DPH3: variants seen among roughly 807,000 people sequenced by gnomAD.
DPH3 encodes the protein diphthamide biosynthesis 3.
DPH3 carries 8 observed loss-of-function variants against 10.2 expected under a neutral mutation model. That is an observed-to-expected ratio of 0.79 (90% CI 0.46 to 1.42). The LOEUF (loss-of-function observed/expected upper bound fraction) is 1.42, where lower values mean the gene tolerates loss of function less well. DPH3 is among the 40% of genes most tolerant of loss of function. DPH3 has a pLI of 0.00. For missense variants in DPH3, 96 were observed against 98.9 expected, an observed-to-expected ratio of 0.97 and a Z score of 0.12; for synonymous variants, 35 against 35.6, an observed-to-expected ratio of 0.98 and a Z score of 0.06.
At position 16,260,614 on chromosome 3, in the gene DPH3, A is replaced by G; in HGVS notation, c.*150T>C. 1.7e-6 allele frequency: 1 copy of G among 598,646 alleles called. No individual in the cohort carries two copies. The highest frequency in any genetic ancestry group is 2.9e-6 in the Non-Finnish European group (1 of 342,610). The allele number at this position is 598,646 out of a possible 1,614,324, so 37.1% of individuals were successfully genotyped here. A position where few individuals can be genotyped will look rare whatever the true frequency, so the allele number is the denominator to read the frequency against. ...GTCATGTTATGGACTTGCTTCCTGA[A>G]GATGATATCAGCAGTTGATAGAAAG... On this transcript the variant is annotated 3_prime_UTR_variant, in exon 3 of 3. Transcript: ENST00000488423.
In DPH3 at chr3:16,261,590, G is replaced by A. The variant is rs1212256573; in HGVS notation, c.184-761C>T. Among the ~76,000 whole-genome samples the A allele has an allele frequency of 6.6e-6, 1 of 152,198 alleles. No homozygotes were observed. The highest frequency in any genetic ancestry group is 2.4e-5 in the African/African-American group (1 of 41,434). The stretch of plus-strand genomic sequence containing the variant: ...TTGAAACAACTGAGGATTGCTATTG[G>A]CATCTAGTAGGTAGAGGCCAGGGAT... On this transcript the variant is annotated intron_variant, in intron 2 of 2. Transcript: ENST00000488423. The surrounding 1 kb of genome is among the most constrained non-coding windows in gnomAD (Gnocchi z 7.1).
rs1395093934 is a variant in DPH3 at position 16,263,445 on chromosome 3, G to C, written c.183+710C>G. ...TCCTTACCGTTTGCTTTCTGTTGCA[G>C]AGCACATTTTAATACAAGAATGAAT... is the stretch of plus-strand genomic sequence containing the variant. On this transcript the variant is annotated intron_variant, in intron 2 of 2. Transcript: ENST00000488423. The surrounding 1 kb of genome is among the most constrained non-coding windows in gnomAD (Gnocchi z 4.0). 6.6e-6 allele frequency among the ~76,000 whole-genome samples: 1 copy of C among 152,172 alleles called. No homozygotes were observed. Among genetic ancestry groups the C allele is most frequent in the African/African-American group, 2.4e-5 (1 of 41,432 alleles).
Position 16,263,389 on chromosome 3 carries a change from C to T in DPH3, c.183+766G>A, listed in dbSNP as rs527359863. Among the ~76,000 whole-genome samples the T allele has an allele frequency of 9.8e-5, 15 of 152,300 alleles. No individual in the cohort carries two copies. The South Asian group carries it at 2.9e-3, about 30-fold the overall frequency. On this transcript the variant is annotated intron_variant, in intron 2 of 2. Coordinates refer to ENST00000488423, the MANE Select transcript of DPH3 (RefSeq NM_206831.3). The surrounding 1 kb of genome is among the most constrained non-coding windows in gnomAD (Gnocchi z 4.0). ...GCCATGATCACCCTATGGAAAACTG[C>T]AACTTCCTCCCAGACCAGCACTCCT...
chr3:16,260,869 C>G, intron 2 of DPH3, 40 bp from the exon 3 acceptor site: 1 of 1,562,806 alleles, frequency 6.4e-7, no homozygotes, highest in Non-Finnish European at 8.8e-7. Context: ...AATGAATTTC[C>G]GGTCACAAAT....
intron 1 of DPH3, 173 bp downstream of exon 1, chr3:16,264,596 G>A (rs1207705384): frequency 3.0e-6 from 2 of 665,428 alleles, no homozygotes; most frequent in African/African-American, 1.8e-5. Context: ...CGTGCCTACC[G>A]AGAGAGCTCA....
chr3:16,258,620 TA>T lies in DPH3; in HGVS notation c.*2143del, dbSNP rs1272325505. The T allele has an allele frequency of 6.6e-6, 1 of 152,196 alleles. No individual in the cohort carries two copies. The highest frequency in any genetic ancestry group is 1.5e-5 in the Non-Finnish European group (1 of 68,060). 9.4% of individuals were successfully genotyped at this position (152,196 alleles called of 1,614,324 possible). ...GCTCAAGGCCCCACACCTTGCTAAT[TA>T]AAAGAAGATTTTTTAGAGACAGGGT... On this transcript the variant is annotated 3_prime_UTR_variant, in exon 3 of 3. Transcript: ENST00000488423.
At position 16,264,485 on chromosome 3, in the gene DPH3, T is replaced by A. The variant is rs2064357619; in HGVS notation, c.109-256A>T. ...GGGAAACAAAAAACGAGTCCCCTCC[T>A]CGACAGAAATATCCCAGGTTGGGAC... On this transcript the variant is annotated intron_variant, in intron 1 of 2. Coordinates refer to ENST00000488423, the MANE Select transcript of DPH3 (RefSeq NM_206831.3). The A allele has an allele frequency of 7.2e-6, 4 of 558,336 alleles. No individual in the cohort carries two copies. In the East Asian group the frequency reaches 1.2e-4, roughly 16 times the overall value. 34.6% of individuals were successfully genotyped at this position (558,336 alleles called of 1,614,324 possible). A position where few individuals can be genotyped will look rare whatever the true frequency, so the allele number is the denominator to read the frequency against.
At position 16,263,944 on chromosome 3, in the gene DPH3, T is replaced by G. The variant is rs146895488; in HGVS notation, c.183+211A>C. ...TTTTCACTAAAGCTAGATTTATCTCTAAAGCTAAAATAAATTACGTAATCT... is the reference window on the plus strand; with the variant it reads ...TTTTCACTAAAGCTAGATTTATCTCGAAAGCTAAAATAAATTACGTAATCT... On this transcript the variant is annotated intron_variant, in intron 2 of 2. Coordinates refer to ENST00000488423, the MANE Select transcript of DPH3 (RefSeq NM_206831.3). This position sits in a 1 kb window ranked among gnomAD's most constrained non-coding sequence, Gnocchi z 4.0. Among the ~76,000 whole-genome samples the G allele has an allele frequency of 1.4e-3, 209 of 152,376 alleles. No individual in the cohort carries two copies. The highest frequency in any genetic ancestry group is 4.9e-3 in the African/African-American group (202 of 41,586).
At chr3:16,264,520 G>A (rs2064358912) in intron 1 of DPH3, 1 of 576,728 alleles carries the variant, frequency 1.7e-6, no homozygotes. Context: ...CCCTAAGGCA[G>A]GGATCGGGCA....
intron 1 of DPH3, 194 bp from the exon 2 acceptor site, chr3:16,264,423 G>GGAAGGTCAGGC: frequency 1.8e-6 from 1 of 556,948 alleles, no homozygotes; most frequent in Admixed American, 3.3e-5. Flanking sequence ...GAAACACCTA[G>GGAAGGTCAGGC]GAAGGTCAGG....
Position 16,263,796 on chromosome 3 carries a change from A to G in DPH3, c.183+359T>C, listed in dbSNP as rs1002362069. On this transcript the variant is annotated intron_variant, in intron 2 of 2. Transcript: ENST00000488423. This position sits in a 1 kb window ranked among gnomAD's most constrained non-coding sequence, Gnocchi z 4.0. ...TATAAGCCAGCACGAAATACCATAC[A>G]ATTGTTCCCTTCAAAGTAAGTCTAG... 6.6e-6 allele frequency among the ~76,000 whole-genome samples: 1 copy of G among 152,228 alleles called. No individual in the cohort carries two copies. The highest frequency in any genetic ancestry group is 6.5e-5 in the Admixed American group (1 of 15,284).
chr3:16,257,221 G>A lies in DPH3; in HGVS notation c.*3543C>T, dbSNP rs2064256082. 6.6e-6 allele frequency among the ~76,000 whole-genome samples: 1 copy of A among 152,212 alleles called. No individual in the cohort carries two copies. The highest frequency in any genetic ancestry group is 2.4e-5 in the African/African-American group (1 of 41,454). ...GCACATGACAGGCATTAGCTGTCAT[G>A]TTTTATAGATACTAGCTCATTTAAT... On this transcript the variant is annotated 3_prime_UTR_variant, in exon 3 of 3. Coordinates refer to ENST00000488423, the MANE Select transcript of DPH3 (RefSeq NM_206831.3).
At position 16,261,067 on chromosome 3, in the gene DPH3, C is replaced by T. The variant is rs182801671; in HGVS notation, c.184-238G>A. On this transcript the variant is annotated intron_variant, in intron 2 of 2. Coordinates refer to ENST00000488423, the MANE Select transcript of DPH3 (RefSeq NM_206831.3). The surrounding 1 kb of genome is among the most constrained non-coding windows in gnomAD (Gnocchi z 7.1). ...ACAAAGCACCTTATAAACAAACATC[C>T]CTATCTTCAGTTCAGAGCAACCACT... 6.6e-6 allele frequency among the ~76,000 whole-genome samples: 1 copy of T among 152,140 alleles called. No individual in the cohort carries two copies. The highest frequency in any genetic ancestry group is 1.5e-5 in the Non-Finnish European group (1 of 68,016).
rs1246897253 is a variant in DPH3 at position 16,258,996 on chromosome 3, A to C, written c.*1768T>G. The C allele has an allele frequency of 6.6e-6, 1 of 152,042 alleles. No homozygotes were observed. The highest frequency in any genetic ancestry group is 1.5e-5 in the Non-Finnish European group (1 of 68,000). The allele number at this position is 152,042 out of a possible 1,614,324, so 9.4% of individuals were successfully genotyped here. A position where few individuals can be genotyped will look rare whatever the true frequency, so the allele number is the denominator to read the frequency against. The stretch of plus-strand genomic sequence containing the variant: ...TGGCAACTTTTCTTCCTGTTCTTCT[A>C]TGTTCTTAGCAAACCCACATCAAGG... On this transcript the variant is annotated 3_prime_UTR_variant, in exon 3 of 3. Coordinates refer to ENST00000488423, the MANE Select transcript of DPH3 (RefSeq NM_206831.3).
At chr3:16,264,382 C>G in intron 1 of DPH3, 153 bp from the exon 2 acceptor site, 1 of 549,092 alleles carries the variant, frequency 1.8e-6, no homozygotes, top group Non-Finnish European at 3.2e-6. Context: ...GAAATGCCGA[C>G]ATCATTTTCC....
At position 16,262,968 on chromosome 3, in the gene DPH3, G is replaced by A. The variant is rs1009332230; in HGVS notation, c.183+1187C>T. Among the ~76,000 whole-genome samples the A allele has an allele frequency of 2.8e-4, 42 of 152,098 alleles. No homozygotes were observed. The highest frequency in any genetic ancestry group is 9.7e-4 in the African/African-American group (40 of 41,402). On this transcript the variant is annotated intron_variant, in intron 2 of 2. Transcript: ENST00000488423. The surrounding 1 kb of genome is among the most constrained non-coding windows in gnomAD (Gnocchi z 4.7). ...CCACCCATCTCCTTCTTTAATTAGT[G>A]TAATAGCCTCCTATTACACTGGTTT...
chr3:16,262,159 A>G lies in DPH3; in HGVS notation c.184-1330T>C, dbSNP rs537517185. On this transcript the variant is annotated intron_variant, in intron 2 of 2. Coordinates refer to ENST00000488423, the MANE Select transcript of DPH3 (RefSeq NM_206831.3). This position sits in a 1 kb window ranked among gnomAD's most constrained non-coding sequence, Gnocchi z 4.7. The stretch of plus-strand genomic sequence containing the variant: ...ACCTTAAACCCTCTCTTGATCCTCT[A>G]TCACCACTGGTTACTGTCCCATGTC... Among the ~76,000 whole-genome samples the G allele has an allele frequency of 4.6e-5, 7 of 152,314 alleles. No homozygotes were observed. The South Asian group carries it at 1.4e-3, about 32-fold the overall frequency.
rs781442592 is a variant in DPH3, at chr3:16,264,918, G to C, written c.-42C>G. On this transcript the variant is annotated 5_prime_UTR_variant, in exon 1 of 3. Transcript: ENST00000488423. Reference sequence around the variant, plus strand: ...CGAAGGGGTAACGCCCCAGCAGTCCGAGGCCAGCTCCGAGGGTTTAACTTC... The same window carrying C: ...CGAAGGGGTAACGCCCCAGCAGTCCCAGGCCAGCTCCGAGGGTTTAACTTC... 5 of 1,607,372 alleles carry C rather than the reference G, an allele frequency of 3.1e-6. No individual in the cohort carries two copies. Among genetic ancestry groups the C allele is most frequent in the East Asian group, 4.5e-5 (2 of 44,816 alleles).
chr3:16,260,928 T>A, intron 2 of DPH3, 99 bp from the exon 3 acceptor site: 1 of 1,044,208 alleles, frequency 9.6e-7, no homozygotes, highest in Non-Finnish European at 1.4e-6. Flanking sequence ...CCAGCGCTGT[T>A]AATTGTTTTT....
Sources: allele counts gnomAD v4.1 joint callset (sites outside exome capture counted in the v4.1 genomes callset), GRCh38; gene constraint gnomAD v4.1.1; non-coding constraint Gnocchi (gnomAD v3.1); transcripts MANE v1.5; gene names NCBI Gene and HGNC (gene_info 2026-07-23, HGNC 2026-07-21).